The following PTPRT variants were observed in gnomAD, a reference collection of about 807,000 sequenced individuals.
PTPRT encodes the protein protein tyrosine phosphatase receptor type T.
A neutral mutation model predicts 176.8 loss-of-function variants in PTPRT; 56 were observed. That is an observed-to-expected ratio of 0.32 (90% CI 0.26 to 0.40). The LOEUF is 0.40. Among genes scored for constraint, PTPRT ranks in the 10% least tolerant of loss-of-function variants. The pLI is 1.00. For synonymous variants in PTPRT, 783 were observed against 739.0 expected (o/e 1.06, Z -0.96); for missense variants, 1,540 against 1,908.2 (o/e 0.81, Z 3.60).
At chr20:42,777,257 C>T (rs1323141628) in intron 4 of PTPRT, among the ~76,000 whole-genome samples, 14 of 152,162 alleles carry the variant, frequency 9.2e-5, no homozygotes, top group Non-Finnish European at 1.5e-4. Context: ...TCCAGGCTTT[C>T]CTGCCCAACA....
At chr20:42,232,629 C>T (rs1172647333) in intron 15 of PTPRT, among the ~76,000 whole-genome samples, 3 of 150,982 alleles carry the variant, frequency 2.0e-5, no homozygotes, top group African/African-American at 7.4e-5. Context: ...CCTCTCCCTC[C>T]TCCCCCACTC....
At chr20:42,321,933 C>T (rs749653400) in intron 11 of PTPRT, among the ~76,000 whole-genome samples, 7 of 152,108 alleles carry the variant, frequency 4.6e-5, no homozygotes, top group Non-Finnish European at 5.9e-5. Flanking sequence ...ATTAGCCAGG[C>T]GCAGTGGTGG....
chr20:43,081,323 A>G (rs1319920801), intron 1 of PTPRT, among the ~76,000 whole-genome samples: 1 of 152,182 alleles, frequency 6.6e-6, no homozygotes, highest in Non-Finnish European at 1.5e-5. Context: ...CAAGTTTTCC[A>G]TTTATCAATT....
intron 6 of PTPRT, among the ~76,000 whole-genome samples, chr20:42,683,424 C>T (rs1304558814): frequency 2.0e-5 from 3 of 152,016 alleles, no homozygotes; most frequent in African/African-American, 7.3e-5. Flanking sequence ...ATTACAGGCA[C>T]CTGTCACCAC....
At chr20:42,517,157 G>T (rs753124998) in intron 7 of PTPRT, among the ~76,000 whole-genome samples, 7 of 151,836 alleles carry the variant, frequency 4.6e-5, no homozygotes, top group Non-Finnish European at 8.8e-5. Flanking sequence ...TAAATCATTT[G>T]TACCTGATGT....
At chr20:42,231,488 C>A (rs1437477362) in intron 15 of PTPRT, among the ~76,000 whole-genome samples, 1 of 152,206 alleles carries the variant, frequency 6.6e-6, no homozygotes, top group African/African-American at 2.4e-5. Context: ...TAGGGACCAA[C>A]TGGTAATGCC....
At chr20:42,824,493 C>T (rs2145668673) in intron 2 of PTPRT, among the ~76,000 whole-genome samples, 1 of 151,994 alleles carries the variant, frequency 6.6e-6, no homozygotes, top group East Asian at 1.9e-4. Context: ...ATGAGAACAG[C>T]CCCACTTTTA....
At chr20:42,232,813 CA>C (rs5841454) in intron 15 of PTPRT, among the ~76,000 whole-genome samples, 17,853 of 63,528 alleles carry the variant, frequency 0.28, 914 homozygotes, top group African/African-American at 0.3. Context: ...CTCTGTTTTA[CA>C]AAAAAAAAAA....
chr20:42,144,416 G>A (rs899631905), intron 17 of PTPRT, among the ~76,000 whole-genome samples: 1 of 152,150 alleles, frequency 6.6e-6, no homozygotes, highest in Non-Finnish European at 1.5e-5. Flanking sequence ...ATGTTGAATA[G>A]GAAGTTGGAC....
At chr20:42,850,394 G>A (rs932478433) in intron 2 of PTPRT, among the ~76,000 whole-genome samples, 10 of 152,178 alleles carry the variant, frequency 6.6e-5, no homozygotes, top group African/African-American at 1.9e-4. Flanking sequence ...CGTCCGAACC[G>A]GAATAACTAA....
chr20:42,557,809 A>C (rs4812605), intron 7 of PTPRT, among the ~76,000 whole-genome samples: 82,827 of 152,046 alleles, frequency 0.54, 22,926 homozygotes, highest in African/African-American at 0.64. Flanking sequence ...GGATAAGCCC[A>C]ATAGCCCAGC....
chr20:43,076,243 C>T (rs2011272761), intron 1 of PTPRT, among the ~76,000 whole-genome samples: 1 of 152,134 alleles, frequency 6.6e-6, no homozygotes, highest in Non-Finnish European at 1.5e-5. Flanking sequence ...TTCCCAGTTT[C>T]TCATGATTCC....
intron 1 of PTPRT, among the ~76,000 whole-genome samples, chr20:42,959,719 C>G (rs1981879603): frequency 6.6e-6 from 1 of 152,146 alleles, no homozygotes; most frequent in African/African-American, 2.4e-5. Context: ...GCGCCTACCC[C>G]AAGGGAGCTC....
At chr20:43,122,549 T>A (rs1359379582) in intron 1 of PTPRT, among the ~76,000 whole-genome samples, 1 of 152,172 alleles carries the variant, frequency 6.6e-6, no homozygotes, top group African/African-American at 2.4e-5. Flanking sequence ...TGGGGGCAGA[T>A]CCCTTATGTA....
At chr20:42,398,351 C>A (rs965044960) in intron 9 of PTPRT, among the ~76,000 whole-genome samples, 4 of 152,006 alleles carry the variant, frequency 2.6e-5, no homozygotes, top group African/African-American at 9.7e-5. Context: ...ACAAAATAAT[C>A]ATTTACATGT....
intron 7 of PTPRT, among the ~76,000 whole-genome samples, chr20:42,556,120 T>C (rs550309893): frequency 6.6e-6 from 1 of 152,320 alleles, no homozygotes; most frequent in East Asian, 1.9e-4. Flanking sequence ...TCTCTGCGTT[T>C]GTTCACACTA....
chr20:43,023,296 G>A (rs532794013), intron 1 of PTPRT, among the ~76,000 whole-genome samples: 1 of 152,296 alleles, frequency 6.6e-6, no homozygotes, highest in African/African-American at 2.4e-5. Context: ...TAATGACTGT[G>A]TGTGACCTGA....
intron 26 of PTPRT, among the ~76,000 whole-genome samples, chr20:42,099,664 C>T (rs2146221369): frequency 6.6e-6 from 1 of 151,614 alleles, no homozygotes; most frequent in Non-Finnish European, 1.5e-5. Flanking sequence ...ATCAGTGGCT[C>T]ATGTGCTTGA....
intron 1 of PTPRT, among the ~76,000 whole-genome samples, chr20:43,049,884 G>A (rs925898217): frequency 1.3e-5 from 2 of 152,330 alleles, no homozygotes; most frequent in Admixed American, 1.3e-4. Context: ...ATAGAAATTA[G>A]ACTAATTATG....
Sources: gnomAD v4.1 joint callset for allele counts (sites outside exome capture counted in the v4.1 genomes callset) on GRCh38, gnomAD v4.1.1 for gene constraint, MANE v1.5 for transcripts, NCBI Gene and HGNC (gene_info 2026-07-23, HGNC 2026-07-21) for gene names.